Variants in SCAPER observed in about 807,000 individuals in gnomAD.
SCAPER encodes S-phase cyclin A associated protein in the ER.
Under a neutral mutation model 182.2 loss-of-function variants are expected in SCAPER, and 98 were observed. The observed-to-expected ratio is 0.54, with a 90% confidence interval of 0.46 to 0.64. The LOEUF is 0.64. Ranked by LOEUF, SCAPER falls within the 30% of genes least tolerant of loss-of-function variation. The probability of loss-of-function intolerance (pLI) is 0.00; values close to 1 mark genes in which losing one functional copy is unlikely to be tolerated. For synonymous variants in SCAPER, 605 were observed against 564.6 expected (o/e 1.07, Z -1.01); for missense variants, 1,432 against 1,690.0 (o/e 0.85, Z 2.68).
intron 25 of SCAPER, among the ~76,000 whole-genome samples, chr15:76,449,143 A>C (rs1167396456): frequency 6.6e-6 from 1 of 152,216 alleles, no homozygotes; most frequent in Non-Finnish European, 1.5e-5. Context: ...TGGTCTTCAA[A>C]ATAATATCAT....
chr15:76,899,582 A>G (rs1478661340), intron 1 of SCAPER, among the ~76,000 whole-genome samples: 1 of 151,586 alleles, frequency 6.6e-6, no homozygotes, highest in Non-Finnish European at 1.5e-5. Flanking sequence ...CCCGCCCGCC[A>G]CCCCGTCTAG....
At chr15:76,528,229 A>C (rs1289899338) in intron 23 of SCAPER, among the ~76,000 whole-genome samples, 2 of 152,238 alleles carry the variant, frequency 1.3e-5, no homozygotes, top group Non-Finnish European at 2.9e-5. Flanking sequence ...CCTCTGCCTT[A>C]AATAATAATA....
At chr15:76,754,994 C>T (rs1029536469) in intron 14 of SCAPER, among the ~76,000 whole-genome samples, 4 of 151,904 alleles carry the variant, frequency 2.6e-5, no homozygotes, top group Non-Finnish European at 4.4e-5. Context: ...ATGAAAGTTG[C>T]CATTAAAATT....
chr15:76,417,745 C>T (rs758375915), intron 26 of SCAPER, among the ~76,000 whole-genome samples: 16 of 152,152 alleles, frequency 1.1e-4, no homozygotes, highest in East Asian at 3.8e-4. Flanking sequence ...GGTGGCCAGG[C>T]GTGGTGGCTC....
chr15:76,526,259 G>C (rs187716907), intron 23 of SCAPER, among the ~76,000 whole-genome samples: 76 of 152,118 alleles, frequency 5.0e-4, no homozygotes, highest in African/African-American at 1.8e-3. Context: ...GTGTTTTACT[G>C]TGCATAAAAT....
intron 1 of SCAPER, among the ~76,000 whole-genome samples, chr15:76,888,305 G>T (rs926279904): frequency 2.0e-5 from 3 of 152,184 alleles, no homozygotes; most frequent in African/African-American, 7.2e-5. Flanking sequence ...ACCAGCAACA[G>T]AACAAAGCTG....
At chr15:76,796,797 A>G (rs2065360335) in intron 7 of SCAPER, among the ~76,000 whole-genome samples, 1 of 152,178 alleles carries the variant, frequency 6.6e-6, no homozygotes, top group Non-Finnish European at 1.5e-5. Flanking sequence ...ATTTGTTTTC[A>G]TTTGCATATA....
intron 24 of SCAPER, among the ~76,000 whole-genome samples, chr15:76,487,627 G>A (rs2051788214): frequency 6.6e-6 from 1 of 151,946 alleles, no homozygotes; most frequent in Non-Finnish European, 1.5e-5. Flanking sequence ...GATGGGAAGA[G>A]GAAATACCTG....
intron 27 of SCAPER, among the ~76,000 whole-genome samples, chr15:76,390,516 C>T (rs1195238747): frequency 3.3e-5 from 5 of 152,022 alleles, no homozygotes; most frequent in Admixed American, 1.3e-4. Context: ...CTTAGGAAAA[C>T]GAAGGGTGAA....
At chr15:76,554,828 T>C (rs1048158625) in intron 23 of SCAPER, among the ~76,000 whole-genome samples, 25 of 146,836 alleles carry the variant, frequency 1.7e-4, no homozygotes, top group African/African-American at 6.0e-4. Context: ...CAGGCTGGAG[T>C]GCAGTGGTAG....
intron 8 of SCAPER, among the ~76,000 whole-genome samples, chr15:76,779,872 T>C (rs112743358): frequency 1.3e-5 from 2 of 152,316 alleles, no homozygotes; most frequent in African/African-American, 4.8e-5. Context: ...AGATATGCCA[T>C]CCCAGTTCAC....
chr15:76,793,601 G>C (rs2065138054), intron 8 of SCAPER, among the ~76,000 whole-genome samples: 1 of 152,204 alleles, frequency 6.6e-6, no homozygotes, highest in African/African-American at 2.4e-5. Flanking sequence ...GTTCCTAGAG[G>C]GTTGTGTGCC....
chr15:76,545,633 T>C (rs2045210911), intron 23 of SCAPER, among the ~76,000 whole-genome samples: 1 of 152,122 alleles, frequency 6.6e-6, no homozygotes, highest in African/African-American at 2.4e-5. Context: ...AGGACTGTGA[T>C]GCCTAGGGGA....
intron 25 of SCAPER, among the ~76,000 whole-genome samples, chr15:76,466,419 C>CT: frequency 0.14 from 5,105 of 37,248 alleles, 581 homozygotes; most frequent in East Asian, 0.36. Flanking sequence ...GTTGGTTCTT[C>CT]TTTTTTTTTT....
In SCAPER at chr15:76,354,125, C is replaced by T. The variant is rs1271252689; in HGVS notation, c.3871G>A (p.Gly1291Ser). 5.6e-6 allele frequency: 9 copies of T among 1,603,876 alleles called. No individual in the cohort carries two copies. The highest frequency in any genetic ancestry group is 7.6e-6 in the Non-Finnish European group (9 of 1,176,790). Residue 1291 changes from glycine (G) to serine (S), a missense_variant, in exon 30 of 32, where the codon GGC becomes AGC. Coordinates refer to ENST00000563290, the MANE Select transcript of SCAPER (RefSeq NM_020843.4). This position sits in a 1 kb window ranked among gnomAD's most constrained non-coding sequence, Gnocchi z 4.4. Reference protein sequence around the residue: ...HPDNQVIVQSGRHPTVLQKLC... With the variant: ...HPDNQVIVQSSRHPTVLQKLC... ...TTCTGCAGCACTGTGGGGTGGCGGC[C>T]GGACTGCACGATCACCTGAAATGGA...
intron 14 of SCAPER, among the ~76,000 whole-genome samples, chr15:76,758,975 G>GT (rs557417565): frequency 2.0e-5 from 3 of 151,878 alleles, no homozygotes; most frequent in African/African-American, 2.4e-5. Flanking sequence ...ATTTCTCAAA[G>GT]TTTTTTGTGG....
At chr15:76,513,157 T>G (rs905828747) in intron 23 of SCAPER, among the ~76,000 whole-genome samples, 7 of 152,212 alleles carry the variant, frequency 4.6e-5, no homozygotes, top group Non-Finnish European at 8.8e-5. Flanking sequence ...TGACTCATCT[T>G]TGCAGCCCCA....
intron 26 of SCAPER, among the ~76,000 whole-genome samples, chr15:76,425,244 C>A (rs2046340685): frequency 6.6e-6 from 1 of 152,230 alleles, no homozygotes; most frequent in Admixed American, 6.5e-5. Flanking sequence ...CTGTCACTTA[C>A]AGGTACACCA....
chr15:76,587,979 T>C (rs928299194), intron 22 of SCAPER, among the ~76,000 whole-genome samples: 4 of 151,946 alleles, frequency 2.6e-5, no homozygotes, highest in Non-Finnish European at 5.9e-5. Context: ...TGCAGTGCAG[T>C]GGCACAATCT....
Sources: allele counts gnomAD v4.1 joint callset (sites outside exome capture counted in the v4.1 genomes callset), GRCh38; gene constraint gnomAD v4.1.1; non-coding constraint Gnocchi (gnomAD v3.1); transcripts MANE v1.5; gene names NCBI Gene and HGNC (gene_info 2026-07-23, HGNC 2026-07-21).